Variants in ESX1 observed in about 807,000 individuals in gnomAD.
The protein encoded by ESX1 is ESX homeobox 1.
Under a neutral mutation model 13.2 loss-of-function variants are expected in ESX1, and 2 were observed. The observed-to-expected ratio is 0.15, with a 90% CI of 0.06 to 0.48. ESX1 has a LOEUF of 0.48. Among genes scored for constraint, ESX1 ranks in the 20% least tolerant of loss-of-function variants. The probability of loss-of-function intolerance (pLI) is 0.97; values close to 1 mark genes in which losing one functional copy is unlikely to be tolerated. For missense variants in ESX1, 307 were observed against 379.0 expected (o/e 0.81, Z 1.58); for synonymous variants, 157 against 163.1 (o/e 0.96, Z 0.29).
intron 3 of ESX1, among the ~76,000 whole-genome samples, chrX:104,251,885 A>C (rs1923191805): frequency 8.9e-6 from 1 of 112,193 alleles, no homozygotes; most frequent in East Asian, 2.8e-4. Flanking sequence ...TGCATTTGGT[A>C]GTTTCATAAA....
rs1417284892 is a variant in ESX1 at position 104,250,452 on chromosome X, C to T, written c.997G>A (p.Gly333Arg). The part of the protein sequence containing the change: ...PGPPMARVPP[G>R]PPMARVPPGP... ...GGTGGCACACGCGCCATGGGCGGCC[C>T]GGGTGGCACACGCGCCATGGGCGGC... The change falls in exon 4 of 4, where the codon GGG (glycine) becomes AGG (arginine). Residue 333 changes from glycine (G) to arginine (R), a missense_variant. Around this residue, in one of 3 missense-constraint regions of ESX1, gnomAD observed 47 missense variants for 117.0 expected, o/e 0.40. Transcript: ENST00000372588. 13 of 924,019 alleles carry T rather than the reference C, an allele frequency of 1.4e-5. No homozygotes were observed. The highest frequency in any genetic ancestry group is 1.3e-4 in the African/African-American group (6 of 45,494). 76.1% of individuals were successfully genotyped at this position (924,019 alleles called of 1,213,427 possible). A position where few individuals can be genotyped will look rare whatever the true frequency, so the allele number is the denominator to read the frequency against.
chrX:104,250,317 T>TGGGTGGCAGAGGCACCATGGGCGGCCC lies in ESX1; in HGVS notation c.1131_1132insGGGCCGCCCATGGTGCCTCTGCCACCC (p.Pro377_Arg378insGlyProProMetValProLeuProPro). ...AGGCCAGTGTGAGGCACATGTGACCTGGGTGGCAGAGGCGCCATGGGCGGC... is the reference window on the plus strand; with the variant it reads ...AGGCCAGTGTGAGGCACATGTGACCTGGGTGGCAGAGGCACCATGGGCGGCCCGGGTGGCAGAGGCGCCATGGGCGGC... On this transcript the variant is annotated inframe_insertion, in exon 4 of 4. Coordinates refer to ENST00000372588, the MANE Select transcript of ESX1 (RefSeq NM_153448.4). 7.9e-6 allele frequency: 9 copies of TGGGTGGCAGAGGCACCATGGGCGGCCC among 1,144,036 alleles called. No homozygotes were observed. Among genetic ancestry groups the TGGGTGGCAGAGGCACCATGGGCGGCCC allele is most frequent in the Non-Finnish European group, 1.2e-6 (1 of 864,287 alleles). The allele number at this position is 1,144,036 out of a possible 1,213,427, so 94.3% of individuals were successfully genotyped here.
chrX:104,250,945 C>A (rs782149584), intron 3 of ESX1, 49 bp from the exon 4 acceptor site: 291 of 1,048,826 alleles, frequency 2.8e-4, no homozygotes, highest in Non-Finnish European at 3.5e-4. Flanking sequence ...CAGTTAACGT[C>A]ATAATAGAAA....
chrX:104,254,316 T>A lies in ESX1; in HGVS notation c.344A>T (p.Gln115Leu). 1.2e-5 allele frequency: 14 copies of A among 1,211,264 alleles called. No homozygotes were observed. The highest frequency in any genetic ancestry group is 1.6e-5 in the Non-Finnish European group (14 of 895,383). ...CGGCTGTGGCCCCTCCACGGTCGTC[T>A]GGGGCGGCTCCTCCTGCTCTTGCTT... The part of the protein sequence containing the change: ...ELKQEQEEPP[Q>L]TTVEGPQPAE... Residue 115 changes from glutamine (Q) to leucine (L), a missense_variant, in exon 2 of 4, where the codon CAG (glutamine) becomes CTG (leucine). By Grantham distance (113) the Gln-to-Leu change is moderately radical (BLOSUM62 -2). Coordinates refer to ENST00000372588, the MANE Select transcript of ESX1 (RefSeq NM_153448.4).
intron 3 of ESX1, 38 bp downstream of exon 3, chrX:104,252,745 G>C: frequency 8.5e-7 from 1 of 1,175,529 alleles, no homozygotes; most frequent in South Asian, 1.8e-5. Flanking sequence ...GCTTTAGAAT[G>C]GCTGTCCTGC....
chrX:104,254,747 C>G lies in ESX1; in HGVS notation c.82+21G>C, dbSNP rs372922289. On this transcript the variant is annotated intron_variant, in intron 1 of 3. Coordinates refer to ENST00000372588, the MANE Select transcript of ESX1 (RefSeq NM_153448.4). The stretch of plus-strand genomic sequence containing the variant: ...CTCTTTTGGAGTTCGCGAAAGCTCC[C>G]GTCCCTGTCCAAGCACTAACCATTC... The G allele has an allele frequency of 5.0e-6, 6 of 1,194,554 alleles. No individual in the cohort carries two copies. The African/African-American group carries it at 1.1e-4, about 21-fold the overall frequency.
intron 2 of ESX1, 72 bp from the exon 3 acceptor site, chrX:104,252,900 G>A: frequency 3.0e-6 from 3 of 1,005,437 alleles, no homozygotes; most frequent in Admixed American, 4.5e-5. Context: ...AACGTGGCTC[G>A]GCTCAGCACT....
intron 3 of ESX1, among the ~76,000 whole-genome samples, chrX:104,252,196 A>T (rs1923199835): frequency 8.9e-6 from 1 of 112,292 alleles, no homozygotes; most frequent in South Asian, 3.7e-4. Flanking sequence ...CCAATGCCTA[A>T]ATATAAATTC....
intron 2 of ESX1, among the ~76,000 whole-genome samples, chrX:104,253,064 G>A (rs1470469192): frequency 9.2e-6 from 1 of 108,923 alleles, no homozygotes. Context: ...CAGGAAAATC[G>A]TTTGAACCCG....
chrX:104,250,881 T>G lies in ESX1; in HGVS notation c.568A>C (p.Arg190=). 1 of 1,202,733 alleles carries G rather than the reference T, an allele frequency of 8.3e-7. No individual in the cohort carries two copies. The highest frequency in any genetic ancestry group is 3.0e-5 in the East Asian group (1 of 33,543). ...EDRVQVWFQN[R]RAKWKRNQRV... ...TGATTTCGTTTCCACTTGGCTCTTC[T>G]GTTCTGAAACCAAACCTTCAGAGGG... Residue 190 remains arginine (R), a synonymous_variant, in exon 4 of 4, where the codon AGA becomes CGA. Transcript: ENST00000372588.
At position 104,254,244 on chromosome X, in the gene ESX1, T is replaced by A; in HGVS notation, c.416A>T (p.Lys139Ile). 1 of 1,212,059 alleles carries A rather than the reference T, an allele frequency of 8.3e-7. No individual in the cohort carries two copies. The highest frequency in any genetic ancestry group is 1.1e-6 in the Non-Finnish European group (1 of 895,446). The change falls in exon 2 of 4, where the codon AAA (lysine) becomes ATA (isoleucine). Residue 139 changes from lysine (K) to isoleucine (I), a missense_variant. By Grantham distance (102) the Lys-to-Ile change is moderately radical (BLOSUM62 -3). Around this residue, in one of 3 missense-constraint regions of ESX1, gnomAD observed 108 missense variants for 147.5 expected, o/e 0.73. Transcript: ENST00000372588. ...CGTGAACGCGGTGCGGCGGCGGCGT[T>A]TCCTCTCTGGGGGCTGTGGTCCCTC... Reference protein sequence around the residue: ...TAEGPQPPERKRRRRTAFTQF... With the variant: ...TAEGPQPPERIRRRRTAFTQF...
chrX:104,254,802 G>A lies in ESX1; in HGVS notation c.48C>T (p.Ser16=), dbSNP rs781941904. The change falls in exon 1 of 4, where the codon AGC becomes AGT. Residue 16 remains serine, a synonymous_variant. Coordinates refer to ENST00000372588, the MANE Select transcript of ESX1 (RefSeq NM_153448.4). Reference sequence around the variant, plus strand: ...CCTCGATGTCCTCGCCGACTGCCAGGCTGCGGTAGCCAATATCACTGTGGG... The same window carrying A: ...CCTCGATGTCCTCGCCGACTGCCAGACTGCGGTAGCCAATATCACTGTGGG... ...GYTHSDIGYR[S]LAVGEDIEEV... is the part of the protein sequence containing the mutation. The A allele has an allele frequency of 8.3e-7, 1 of 1,209,266 alleles. No homozygotes were observed. The highest frequency in any genetic ancestry group is 1.1e-6 in the Non-Finnish European group (1 of 894,186).
chrX:104,251,843 A>G (rs782249767), intron 3 of ESX1, among the ~76,000 whole-genome samples: 1 of 111,824 alleles, frequency 8.9e-6, no homozygotes, highest in East Asian at 2.8e-4. Flanking sequence ...TGTTTTTTCT[A>G]AGGTGTTTAC....
intron 2 of ESX1, among the ~76,000 whole-genome samples, 166 bp downstream of exon 2, chrX:104,253,988 C>T (rs1923252107): frequency 8.9e-6 from 1 of 112,156 alleles, no homozygotes; most frequent in African/African-American, 3.2e-5. Flanking sequence ...CTGCCTCACT[C>T]GCTTTACCCT....
At position 104,250,773 on chromosome X, in the gene ESX1, C is replaced by G; in HGVS notation, c.676G>C (p.Ala226Pro). ...DMFLGGAYYA[A>P]PALDPALCVH... ...CACAAAGCAGGATCCAGAGCAGGAG[C>G]AGCATAATAGGCCCCACCCAAGAAC... is the stretch of plus-strand genomic sequence containing the variant. Residue 226 changes from alanine (A) to proline (P), a missense_variant, in exon 4 of 4, where the codon GCT (alanine) becomes CCT (proline). By Grantham distance (27) the Ala-to-Pro change is conservative. Coordinates refer to ENST00000372588, the MANE Select transcript of ESX1 (RefSeq NM_153448.4). 1 of 1,211,585 alleles carries G rather than the reference C, an allele frequency of 8.3e-7. No homozygotes were observed. Among genetic ancestry groups the G allele is most frequent in the Non-Finnish European group, 1.1e-6 (1 of 895,459 alleles).
In ESX1 at chrX:104,254,910, G is replaced by C; in HGVS notation, c.-61C>G. On this transcript the variant is annotated 5_prime_UTR_variant, in exon 1 of 4. In the 5' UTR this introduces an upstream ATG that the reference lacks. Transcript: ENST00000372588. ...CAGACTCTGTGCGTGGTTCCGCGGC[G>C]ATCCCGGGGTTGGAACTGGCTCTGG... is the stretch of plus-strand genomic sequence containing the variant. 1 of 1,012,412 alleles carries C rather than the reference G, an allele frequency of 9.9e-7. No individual in the cohort carries two copies. Among genetic ancestry groups the C allele is most frequent in the Non-Finnish European group, 1.4e-6 (1 of 720,996 alleles). 83.4% of individuals were successfully genotyped at this position (1,012,412 alleles called of 1,213,427 possible).
chrX:104,254,742 G>A, intron 1 of ESX1, 26 bp downstream of exon 1: 1 of 1,191,460 alleles, frequency 8.4e-7, no homozygotes, highest in Non-Finnish European at 1.1e-6. Flanking sequence ...GTTCGCGAAA[G>A]CTCCCGTCCC....
At position 104,254,683 on chromosome X, in the gene ESX1, G is replaced by A. The variant is rs1923286643; in HGVS notation, c.82+85C>T. 7 of 1,140,348 alleles carry A rather than the reference G, an allele frequency of 6.1e-6. No individual in the cohort carries two copies. In the South Asian group the frequency reaches 9.3e-5, roughly 15 times the overall value. 94.0% of individuals were successfully genotyped at this position (1,140,348 alleles called of 1,213,427 possible). The stretch of plus-strand genomic sequence containing the variant: ...ATGGAAGAGCAACTGCGACAGCCGC[G>A]CAGCGTCTCCTCCGCTTGCCTCTCC... On this transcript the variant is annotated intron_variant, in intron 1 of 3. Coordinates refer to ENST00000372588, the MANE Select transcript of ESX1 (RefSeq NM_153448.4).
intron 2 of ESX1, among the ~76,000 whole-genome samples, chrX:104,253,095 G>T (rs1923222691): frequency 9.3e-6 from 1 of 108,100 alleles, no homozygotes; most frequent in African/African-American, 3.4e-5. Flanking sequence ...GCTGCAGCGA[G>T]AAGAGATCGC....
Sources: allele counts gnomAD v4.1 joint callset (sites outside exome capture counted in the v4.1 genomes callset), GRCh38; gene constraint gnomAD v4.1.1; regional missense constraint gnomAD v4.1.1; transcripts MANE v1.5; gene names NCBI Gene and HGNC (gene_info 2026-07-23, HGNC 2026-07-21).